NBPF19: variants seen among roughly 807,000 people sequenced by gnomAD.
The protein encoded by NBPF19 is NBPF family member NBPF19.
NBPF19 carries 30 observed loss-of-function variants against 45.9 expected under a neutral mutation model. That is an observed-to-expected ratio of 0.65 (90% CI 0.49 to 0.89). NBPF19 has a LOEUF of 0.89. NBPF19 is among the 40% of genes least tolerant of loss of function. The probability of loss-of-function intolerance (pLI) is 0.00; values close to 1 mark genes in which losing one functional copy is unlikely to be tolerated. For missense variants in NBPF19, 495 were observed against 471.8 expected, an observed-to-expected ratio of 1.05 and a Z score of -0.46; for synonymous variants, 183 against 181.2, an observed-to-expected ratio of 1.01 and a Z score of -0.08.
At chr1:149,493,089 TC>T in intron 16 of NBPF19, 149 bp downstream of exon 16, 1 of 257,072 alleles carries the variant, frequency 3.9e-6, no homozygotes, top group East Asian at 6.5e-5. Flanking sequence ...AAACTCTAGT[TC>T]CACTTGGCAG....
chr1:149,478,669 C>T (rs1458607961), intron 3 of NBPF19, among the ~76,000 whole-genome samples: 1 of 150,794 alleles, frequency 6.6e-6, no homozygotes, highest in African/African-American at 2.4e-5. Flanking sequence ...GGAACATCAT[C>T]GAGGATCTTG....
Position 149,555,045 on chromosome 1 carries a change from G to T in NBPF19, c.*307G>T, listed in dbSNP as rs1173252164. On this transcript the variant is annotated 3_prime_UTR_variant, in exon 94 of 94. Coordinates refer to ENST00000651566, the MANE Select transcript of NBPF19 (RefSeq NM_001351365.2). ...AATTCCTCAGGGATTTCATTTTGCA[G>T]GCATGTCTCTGAGCTTCTATACCTG... The T allele has an allele frequency of 1.1e-5, 5 of 455,924 alleles. No homozygotes were observed. The highest frequency in any genetic ancestry group is 2.0e-5 in the Non-Finnish European group (5 of 254,504). The allele number at this position is 455,924 out of a possible 1,614,324, so 28.2% of individuals were successfully genotyped here.
intron 51 of NBPF19, among the ~76,000 whole-genome samples, 172 bp from the exon 52 acceptor site, chr1:149,521,147 T>C (rs2086722226): frequency 1.2e-5 from 1 of 80,112 alleles, no homozygotes; most frequent in Non-Finnish European, 2.7e-5. Context: ...TTTCATTGTT[T>C]TCTACCTGGC....
intron 9 of NBPF19, among the ~76,000 whole-genome samples, chr1:149,487,740 T>A (rs2085662281): frequency 6.7e-6 from 1 of 149,798 alleles, no homozygotes; most frequent in African/African-American, 2.5e-5. Flanking sequence ...GACTCCCTCA[T>A]CAGTGTGTCA....
In NBPF19 at chr1:149,494,172, A is replaced by C. The variant is rs2085992303; in HGVS notation, c.1998-146A>C. On this transcript the variant is annotated intron_variant, in intron 17 of 93. Transcript: ENST00000651566. The stretch of plus-strand genomic sequence containing the variant: ...CTCTACCTGGCCCTGGTCTATCCCA[A>C]CATAAAGGCAATAATTCATTACCTC... 4 of 548,958 alleles carry C rather than the reference A, an allele frequency of 7.3e-6. No homozygotes were observed. The Admixed American group carries it at 1.4e-4, about 19-fold the overall frequency. The allele number at this position is 548,958 out of a possible 1,614,324, so 34.0% of individuals were successfully genotyped here.
chr1:149,556,190 C>G lies in NBPF19; in HGVS notation c.*1452C>G, dbSNP rs1233797146. 4 of 147,540 alleles carry G rather than the reference C, an allele frequency of 2.7e-5. No homozygotes were observed. The highest frequency in any genetic ancestry group is 4.5e-5 in the Non-Finnish European group (3 of 66,674). 9.1% of individuals were successfully genotyped at this position (147,540 alleles called of 1,614,324 possible). A position where few individuals can be genotyped will look rare whatever the true frequency, so the allele number is the denominator to read the frequency against. Reference sequence around the variant, plus strand: ...TGTTGCAAAAAGAAGAAAACATTCTCTGCCTGAGTTTTAATTTTTGTCCAA... The same window carrying G: ...TGTTGCAAAAAGAAGAAAACATTCTGTGCCTGAGTTTTAATTTTTGTCCAA... On this transcript the variant is annotated 3_prime_UTR_variant, in exon 94 of 94. Coordinates refer to ENST00000651566, the MANE Select transcript of NBPF19 (RefSeq NM_001351365.2).
rs1219803937 is a variant in NBPF19 at position 149,487,775 on chromosome 1, CTGTGTGTGTGTGTG to C, written c.1041-202_1041-189del. Among the ~76,000 whole-genome samples the C allele has an allele frequency of 6.9e-4, 89 of 128,758 alleles. 1 individual carries two copies. Among genetic ancestry groups the C allele is most frequent in the Middle Eastern group, 4.0e-3 (1 of 248 alleles). The allele number at this position is 128,758 out of a possible 152,430, so 84.5% of individuals were successfully genotyped here. ...ACCTGACCAATTGACTGAGCTCGCT[CTGTGTGTGTGTGTG>C]TGTGTGTGTGTGTGTGTGTGTGTGT... On this transcript the variant is annotated intron_variant, in intron 9 of 93. Transcript: ENST00000651566.
Position 149,478,546 on chromosome 1 carries a change from A to G in NBPF19, c.279-334A>G, listed in dbSNP as rs1308154296. ...GTATTTAGTGGCCGCAAGATGCACT[A>G]TGTGTATTTTCACATGGAAATGTCC... On this transcript the variant is annotated intron_variant, in intron 3 of 93. Transcript: ENST00000651566. Among the ~76,000 whole-genome samples the G allele has an allele frequency of 4.0e-5, 6 of 151,116 alleles. 1 individual carries two copies. Among genetic ancestry groups the G allele is most frequent in the African/African-American group, 7.3e-5 (3 of 41,084 alleles).
chr1:149,554,346 T>G (rs2087162890), intron 93 of NBPF19, 149 bp from the exon 94 acceptor site: 1 of 1,478,838 alleles, frequency 6.8e-7, no homozygotes, highest in Non-Finnish European at 9.2e-7. Context: ...TATCCCAACA[T>G]AAAGGCAATA....
In NBPF19 at chr1:149,554,756, G is replaced by C; in HGVS notation, c.*18G>C. On this transcript the variant is annotated 3_prime_UTR_variant, in exon 94 of 94. Coordinates refer to ENST00000651566, the MANE Select transcript of NBPF19 (RefSeq NM_001351365.2). The stretch of plus-strand genomic sequence containing the variant: ...CACAATAGGCAGCCCTTACTAAGCC[G>C]AGAGATGTCATTCCTGCAGGCAGGA... 1.2e-6 allele frequency: 2 copies of C among 1,607,738 alleles called. No homozygotes were observed. Among genetic ancestry groups the C allele is most frequent in the East Asian group, 2.2e-5 (1 of 44,834 alleles).
At position 149,555,231 on chromosome 1, in the gene NBPF19, C is replaced by G; in HGVS notation, c.*493C>G. 1 of 176,966 alleles carries G rather than the reference C, an allele frequency of 5.7e-6. No homozygotes were observed. Among genetic ancestry groups the G allele is most frequent in the Non-Finnish European group, 1.2e-5 (1 of 82,430 alleles). 11.0% of individuals were successfully genotyped at this position (176,966 alleles called of 1,614,324 possible). A position where few individuals can be genotyped will look rare whatever the true frequency, so the allele number is the denominator to read the frequency against. On this transcript the variant is annotated 3_prime_UTR_variant, in exon 94 of 94. Coordinates refer to ENST00000651566, the MANE Select transcript of NBPF19 (RefSeq NM_001351365.2). ...GGCTGAGGATTGTATTTCAGAACCA[C>G]CAACTGCTCTTTACAATTGTTAACC...
intron 93 of NBPF19, 48 bp from the exon 94 acceptor site, chr1:149,554,447 G>C (rs1571066870): frequency 6.2e-7 from 1 of 1,607,914 alleles, no homozygotes; most frequent in Non-Finnish European, 8.5e-7. Context: ...GGGCTCTGTG[G>C]TGTCTGATTT....
rs1424627009 is a variant in NBPF19, at chr1:149,487,339, C to G, written c.996C>G (p.Arg332=). ...VCMAVDIGRH[R]WDQVKKEDQE... ...ATCTGAATTTATTTGCAGGACATCG[C>G]TGGGATCAAGTGAAAAAGGAGGACC... Residue 332 remains arginine, a synonymous_variant, in exon 9 of 94, where the codon CGC becomes CGG. Coordinates refer to ENST00000651566, the MANE Select transcript of NBPF19 (RefSeq NM_001351365.2). The G allele has an allele frequency of 0.04, 57,358 of 1,417,658 alleles. 3,464 individuals carry two copies. Among genetic ancestry groups the G allele is most frequent in the African/African-American group, 0.065 (4,578 of 70,850 alleles). The allele number at this position is 1,417,658 out of a possible 1,614,324, so 87.8% of individuals were successfully genotyped here. A position where few individuals can be genotyped will look rare whatever the true frequency, so the allele number is the denominator to read the frequency against.
Position 149,487,959 on chromosome 1 carries a change from T to C in NBPF19, c.1041-54T>C, listed in dbSNP as rs2085714080. The C allele has an allele frequency of 1.4e-5, 10 of 698,392 alleles. No homozygotes were observed. In the East Asian group the frequency reaches 2.5e-4, roughly 17 times the overall value. 43.3% of individuals were successfully genotyped at this position (698,392 alleles called of 1,614,324 possible). On this transcript the variant is annotated intron_variant, in intron 9 of 93. Coordinates refer to ENST00000651566, the MANE Select transcript of NBPF19 (RefSeq NM_001351365.2). The stretch of plus-strand genomic sequence containing the variant: ...GTTAGCCATGAAATCTAGCTGGGGC[T>C]GTGTGGTTTCTGATTCCCCCTGGCT...
chr1:149,488,382 T>C lies in NBPF19; in HGVS notation c.1213+197T>C, dbSNP rs201460619. On this transcript the variant is annotated intron_variant, in intron 10 of 93. Transcript: ENST00000651566. ...GATGGTTCAGTGAGCAAGGCTCTCT[T>C]CCTAGTCTCAGGCCATACCTGTGGC... 9.8e-5 allele frequency among the ~76,000 whole-genome samples: 14 copies of C among 142,690 alleles called. 1 individual carries two copies. The highest frequency in any genetic ancestry group is 2.5e-4 in the South Asian group (1 of 4,040). 93.6% of individuals were successfully genotyped at this position (142,690 alleles called of 152,430 possible). A position where few individuals can be genotyped will look rare whatever the true frequency, so the allele number is the denominator to read the frequency against.
chr1:149,487,780 T>TGTGTGC, intron 9 of NBPF19, among the ~76,000 whole-genome samples: 1 of 56,472 alleles, frequency 1.8e-5, no homozygotes, highest in Admixed American at 2.2e-4. Context: ...TCGCTCTGTG[T>TGTGTGC]GTGTGTGTGT....
At chr1:149,482,539 G>A (rs1200607509) in intron 7 of NBPF19, among the ~76,000 whole-genome samples, 1 of 151,800 alleles carries the variant, frequency 6.6e-6, no homozygotes, top group Admixed American at 6.6e-5. Flanking sequence ...ATCTCCTTGA[G>A]TTCTGCTCTG....
rs1203908608 is a variant in NBPF19 at position 149,554,813 on chromosome 1, A to G, written c.*75A>G. ...GGCACGTGAAGATTTGAATGAAACTACAGTTCCATTTGGAAGCCCAGACAT... is the reference window on the plus strand; with the variant it reads ...GGCACGTGAAGATTTGAATGAAACTGCAGTTCCATTTGGAAGCCCAGACAT... On this transcript the variant is annotated 3_prime_UTR_variant, in exon 94 of 94. Coordinates refer to ENST00000651566, the MANE Select transcript of NBPF19 (RefSeq NM_001351365.2). The G allele has an allele frequency of 1.5e-4, 240 of 1,599,912 alleles. 5 individuals carry two copies. The highest frequency in any genetic ancestry group is 1.9e-4 in the Non-Finnish European group (225 of 1,170,622).
rs1182917131 is a variant in NBPF19, at chr1:149,478,289, CA to C, written c.278+243del. 8.6e-5 allele frequency among the ~76,000 whole-genome samples: 13 copies of C among 151,126 alleles called. 1 individual carries two copies. Among genetic ancestry groups the C allele is most frequent in the Admixed American group, 8.6e-4 (13 of 15,164 alleles). ...CAAGTAATTGTTGAGGTGAAATTTA[CA>C]TAACACAAAATTCACCAAAGGAGTG... On this transcript the variant is annotated intron_variant, in intron 3 of 93. Coordinates refer to ENST00000651566, the MANE Select transcript of NBPF19 (RefSeq NM_001351365.2).
Sources: gnomAD v4.1 joint callset for allele counts (sites outside exome capture counted in the v4.1 genomes callset) on GRCh38, gnomAD v4.1.1 for gene constraint, MANE v1.5 for transcripts, NCBI Gene and HGNC (gene_info 2026-07-23, HGNC 2026-07-21) for gene names.